RABGAP1: variants seen among roughly 807,000 people sequenced by gnomAD.
The protein encoded by RABGAP1 is RAB GTPase activating protein 1, also known as rab GTPase-activating protein 1.
Under a neutral mutation model 137.6 loss-of-function variants are expected in RABGAP1, and 23 were observed. That is an observed-to-expected ratio of 0.17 (90% CI 0.12 to 0.24). The LOEUF (loss-of-function observed/expected upper bound fraction) is 0.24. Among genes scored for constraint, RABGAP1 ranks in the 10% least tolerant of loss-of-function variants. RABGAP1 has a pLI of 1.00. For missense variants in RABGAP1, 906 were observed against 1,275.8 expected, an observed-to-expected ratio of 0.71 and a Z score of 4.42; for synonymous variants, 451 against 450.7, an observed-to-expected ratio of 1.00 and a Z score of -0.01.
intron 2 of RABGAP1, among the ~76,000 whole-genome samples, chr9:122,962,338 A>T (rs1037439633): frequency 1.3e-5 from 2 of 151,930 alleles, no homozygotes; most frequent in Non-Finnish European, 2.9e-5. Context: ...GTAAAACCCC[A>T]TCTCTACAAA....
intron 2 of RABGAP1, among the ~76,000 whole-genome samples, chr9:122,967,006 C>G (rs1469665689): frequency 6.6e-6 from 1 of 152,162 alleles, no homozygotes; most frequent in Non-Finnish European, 1.5e-5. Flanking sequence ...TCCCACAACA[C>G]ATGGGAATTG....
intron 2 of RABGAP1, among the ~76,000 whole-genome samples, chr9:122,979,766 A>G (rs1171066559): frequency 1.3e-5 from 2 of 152,212 alleles, no homozygotes; most frequent in South Asian, 2.1e-4. Context: ...TCAGTTGGCC[A>G]TATATGTGTG....
intron 13 of RABGAP1, among the ~76,000 whole-genome samples, chr9:123,036,071 A>G (rs1250160032): frequency 6.6e-6 from 1 of 152,222 alleles, no homozygotes. Context: ...AGTAAAATAT[A>G]AATGAAAAGG....
At chr9:123,048,551 G>A (rs2050800) in intron 13 of RABGAP1, among the ~76,000 whole-genome samples, 17 of 152,306 alleles carry the variant, frequency 1.1e-4, no homozygotes, top group East Asian at 7.7e-4. Context: ...AATACAGTAC[G>A]TATTAAGCTG....
the RABGAP1 span, among the ~76,000 whole-genome samples, chr9:122,931,988 T>A: frequency 2.0e-5 from 3 of 152,186 alleles, no homozygotes; most frequent in South Asian, 6.2e-4. Flanking sequence ...TTGGAGTTCT[T>A]CCTAGGGCAA....
intron 1 of RABGAP1, among the ~76,000 whole-genome samples, chr9:122,956,159 T>C (rs1333959448): frequency 6.6e-6 from 1 of 152,196 alleles, no homozygotes; most frequent in Non-Finnish European, 1.5e-5. Flanking sequence ...GAAACTGTGG[T>C]GTGGGAAGAT....
intron 2 of RABGAP1, among the ~76,000 whole-genome samples, chr9:122,960,301 A>G (rs935494083): frequency 6.6e-6 from 1 of 152,218 alleles, no homozygotes. Context: ...ACTGTAGTGC[A>G]TTGTTGAAAT....
At chr9:122,997,495 A>G in intron 9 of RABGAP1, 134 bp downstream of exon 9, 1 of 521,520 alleles carries the variant, frequency 1.9e-6, no homozygotes, top group Non-Finnish European at 3.2e-6. Context: ...ATAGTTCTTC[A>G]CTTTATTATT....
chr9:123,090,276 G>A lies in RABGAP1; in HGVS notation c.2519G>A (p.Arg840Gln). 1.2e-6 allele frequency: 2 copies of A among 1,608,996 alleles called. No homozygotes were observed. The highest frequency in any genetic ancestry group is 1.7e-6 in the Non-Finnish European group (2 of 1,177,372). Reference protein sequence around the residue: ...QQEDPIERFERENRRLQEANM... With the variant: ...QQEDPIERFEQENRRLQEANM... ...AACTGGTTTCTTTCTACCCTTCAGC[G>A]GGAGAATAGGCGTCTACAAGAAGCT... Residue 840 changes from arginine to glutamine, a missense_variant and splice_region_variant, in exon 21 of 26, where the codon CGG becomes CAG. Transcript: ENST00000373647.
At chr9:123,041,091 A>G (rs538959307) in intron 13 of RABGAP1, among the ~76,000 whole-genome samples, 1 of 152,340 alleles carries the variant, frequency 6.6e-6, no homozygotes, top group South Asian at 2.1e-4. Context: ...TCTAAGGGTA[A>G]GAAGTATGAG....
chr9:122,952,876 A>G (rs1834324557), intron 1 of RABGAP1, among the ~76,000 whole-genome samples: 1 of 152,216 alleles, frequency 6.6e-6, no homozygotes, highest in Non-Finnish European at 1.5e-5. Context: ...CAGGCTATTC[A>G]TATGTATCTT....
chr9:123,088,064 A>C (rs554181576), intron 19 of RABGAP1, among the ~76,000 whole-genome samples: 1 of 150,196 alleles, frequency 6.7e-6, no homozygotes, highest in East Asian at 2.0e-4. Flanking sequence ...TTAATTATTT[A>C]GATGGGGTCT....
At chr9:123,023,012 C>T (rs781406982) in intron 13 of RABGAP1, among the ~76,000 whole-genome samples, 2 of 152,072 alleles carry the variant, frequency 1.3e-5, no homozygotes, top group African/African-American at 2.4e-5. Flanking sequence ...TGCATAGCTC[C>T]ATGACATTTT....
chr9:123,000,907 C>G (rs1837293637), intron 10 of RABGAP1, among the ~76,000 whole-genome samples: 1 of 152,124 alleles, frequency 6.6e-6, no homozygotes, highest in African/African-American at 2.4e-5. Flanking sequence ...CAGATCTTAT[C>G]ACTTTTCTGC....
chr9:123,015,289 CTTTTTT>C (rs34492374), intron 11 of RABGAP1, among the ~76,000 whole-genome samples: 13 of 121,692 alleles, frequency 1.1e-4, no homozygotes, highest in South Asian at 2.8e-4. Context: ...TAAATAGCTC[CTTTTTT>C]TTTTTTTTTT....
At chr9:122,989,209 A>T (rs1230475466) in intron 4 of RABGAP1, 88 bp from the exon 5 acceptor site, 1 of 1,212,420 alleles carries the variant, frequency 8.2e-7, no homozygotes, top group Non-Finnish European at 1.2e-6. Context: ...TCTTCTTACT[A>T]GAAAGAATGA....
chr9:123,094,394 TG>T (rs2035119983), intron 21 of RABGAP1, among the ~76,000 whole-genome samples: 1 of 152,166 alleles, frequency 6.6e-6, no homozygotes, highest in Admixed American at 6.5e-5. Flanking sequence ...TTGTCATGAA[TG>T]GGTGTTGAAT....
intron 21 of RABGAP1, among the ~76,000 whole-genome samples, chr9:123,097,166 C>G (rs700079): frequency 0.62 from 94,677 of 152,032 alleles, 36,703 homozygotes; most frequent in Non-Finnish European, 0.86. Flanking sequence ...CTCACAGATA[C>G]GCCCACTAGA....
chr9:122,945,649 A>C (rs1271249314), intron 1 of RABGAP1, among the ~76,000 whole-genome samples: 1 of 152,170 alleles, frequency 6.6e-6, no homozygotes, highest in African/African-American at 2.4e-5. Context: ...GTTGTTATGT[A>C]TTTCCTGTTA....
Sources: allele counts gnomAD v4.1 joint callset (sites outside exome capture counted in the v4.1 genomes callset), GRCh38; gene constraint gnomAD v4.1.1; transcripts MANE v1.5; gene names NCBI Gene and HGNC (gene_info 2026-07-23, HGNC 2026-07-21).